The following KLHL5 variants were observed in gnomAD, a reference collection of about 807,000 sequenced individuals.
KLHL5 encodes the protein kelch like family member 5, also known as kelch-like protein 5.
A neutral mutation model predicts 77.7 loss-of-function variants in KLHL5; 48 were observed. The observed-to-expected ratio is 0.62, with a 90% CI of 0.49 to 0.79. KLHL5 has a LOEUF of 0.79. KLHL5 is among the 30% of genes least tolerant of loss of function. KLHL5 has a pLI of 0.00. For missense variants in KLHL5, 723 were observed against 859.7 expected, an observed-to-expected ratio of 0.84 and a Z score of 1.99; for synonymous variants, 260 against 297.0, an observed-to-expected ratio of 0.88 and a Z score of 1.28.
Position 39,115,275 on chromosome 4 carries a change from A to G in KLHL5, c.2018A>G (p.Gln673Arg). The G allele has an allele frequency of 2.5e-6, 4 of 1,614,044 alleles. No homozygotes were observed. In the South Asian group the frequency reaches 3.3e-5, roughly 13 times the overall value. The change falls in exon 10 of 11, where the codon CAG becomes CGG. Residue 673 changes from glutamine to arginine, a missense_variant. By Grantham distance (43) the Gln-to-Arg change is conservative. Coordinates refer to ENST00000504108, the MANE Select transcript of KLHL5 (RefSeq NM_015990.5). ...TATGCTGTTGGGGGGTATGATGGAC[A>G]GGCATACCTTAATACTGTGGAGGCT... ...KLYAVGGYDG[Q>R]AYLNTVEAYD... is the part of the protein sequence containing the mutation.
At position 39,113,134 on chromosome 4, in the gene KLHL5, C is replaced by A. The variant is rs552179016; in HGVS notation, c.1803C>A (p.Gly601=). 3 of 1,613,984 alleles carry A rather than the reference C, an allele frequency of 1.9e-6. No individual in the cohort carries two copies. Among genetic ancestry groups the A allele is most frequent in the Non-Finnish European group, 2.5e-6 (3 of 1,179,934 alleles). ...CACAGATGTCAAAAAGGAGAGGTGG[C>A]GTAGGAGTGACGACCTGGAATGGAC... ...LCAQMSKRRG[G]VGVTTWNGLL... is the part of the protein sequence containing the mutation. The change falls in exon 9 of 11, where the codon GGC becomes GGA. Residue 601 remains glycine (G), a synonymous_variant. Coordinates refer to ENST00000504108, the MANE Select transcript of KLHL5 (RefSeq NM_015990.5).
At chr4:39,114,444 T>C (rs553143957) in intron 9 of KLHL5, among the ~76,000 whole-genome samples, 4 of 143,720 alleles carry the variant, frequency 2.8e-5, no homozygotes, top group African/African-American at 7.5e-5. Context: ...CCAACACTAT[T>C]ACATTGGCAA....
chr4:39,099,490 C>G (rs994918620), intron 6 of KLHL5, among the ~76,000 whole-genome samples: 25 of 152,134 alleles, frequency 1.6e-4, no homozygotes, highest in African/African-American at 6.0e-4. Flanking sequence ...TCAGCTCATT[C>G]TATTAATACT....
At chr4:39,054,857 T>C (rs1205690851) in intron 1 of KLHL5, among the ~76,000 whole-genome samples, 1 of 152,220 alleles carries the variant, frequency 6.6e-6, no homozygotes, top group Non-Finnish European at 1.5e-5. Flanking sequence ...ATAGCTGACC[T>C]GTACATCTCT....
At chr4:39,105,651 C>G (rs1721969164) in intron 7 of KLHL5, among the ~76,000 whole-genome samples, 1 of 149,554 alleles carries the variant, frequency 6.7e-6, no homozygotes, top group African/African-American at 2.5e-5. Flanking sequence ...TATATATATA[C>G]ACATATAAAA....
intron 8 of KLHL5, among the ~76,000 whole-genome samples, chr4:39,109,685 C>T (rs1408061611): frequency 6.9e-6 from 1 of 144,020 alleles, no homozygotes; most frequent in African/African-American, 2.6e-5. Flanking sequence ...CAGACTCTTG[C>T]TCTATCTCCC....
rs1722543228 is a variant in KLHL5 at position 39,112,815 on chromosome 4, C to T, written c.1689-205C>T. On this transcript the variant is annotated intron_variant, in intron 8 of 10. Transcript: ENST00000504108. Reference sequence around the variant, plus strand: ...CTGCCTTCATGTGCAGTTTGTTTTCCTTTTCATGTATATACAGAGTGATAT... The same window carrying T: ...CTGCCTTCATGTGCAGTTTGTTTTCTTTTTCATGTATATACAGAGTGATAT... 1.9e-5 allele frequency: 10 copies of T among 518,072 alleles called. No individual in the cohort carries two copies. In the Admixed American group the frequency reaches 2.8e-4, roughly 14 times the overall value. 32.1% of individuals were successfully genotyped at this position (518,072 alleles called of 1,614,324 possible).
chr4:39,082,105 T>C lies in KLHL5; in HGVS notation c.846T>C (p.Phe282=), dbSNP rs1348025964. The C allele has an allele frequency of 1.9e-6, 3 of 1,613,790 alleles. No homozygotes were observed. Among genetic ancestry groups the C allele is most frequent in the African/African-American group, 1.3e-5 (1 of 74,916 alleles). The change falls in exon 4 of 11, where the codon TTT becomes TTC. Residue 282 remains phenylalanine (F), a synonymous_variant. Coordinates refer to ENST00000504108, the MANE Select transcript of KLHL5 (RefSeq NM_015990.5). ...HPSNCLGIRS[F]ADAQGCTDLH... ...CCAACTGTCTTGGAATTCGTTCTTT[T>C]GCTGATGCCCAAGGTTGTACAGATT...
chr4:39,060,718 A>G (rs1261084932), upstream of KLHL5, among the ~76,000 whole-genome samples: 1 of 152,226 alleles, frequency 6.6e-6, no homozygotes, highest in Admixed American at 6.5e-5. Flanking sequence ...TTGGATAGCT[A>G]GAGTGAAGTT....
rs1429261944 is a variant in KLHL5, at chr4:39,122,543, G to A, written c.*1477G>A. Reference sequence around the variant, plus strand: ...ATTTCGGCCGGGCACAGTGGCTCACGCCTATAATTCCCAGCACTTTGGGAG... The same window carrying A: ...ATTTCGGCCGGGCACAGTGGCTCACACCTATAATTCCCAGCACTTTGGGAG... On this transcript the variant is annotated 3_prime_UTR_variant, in exon 11 of 11. Transcript: ENST00000504108. 6.6e-6 allele frequency among the ~76,000 whole-genome samples: 1 copy of A among 152,112 alleles called. No homozygotes were observed. Among genetic ancestry groups the A allele is most frequent in the Non-Finnish European group, 1.5e-5 (1 of 68,038 alleles).
At chr4:39,097,107 T>A (rs1428840590) in intron 6 of KLHL5, among the ~76,000 whole-genome samples, 2 of 152,172 alleles carry the variant, frequency 1.3e-5, no homozygotes, top group Non-Finnish European at 2.9e-5. Context: ...GCTACTACTG[T>A]ACAAATCTGG....
chr4:39,067,065 T>C (rs1717953919), intron 1 of KLHL5, among the ~76,000 whole-genome samples: 1 of 152,214 alleles, frequency 6.6e-6, no homozygotes, highest in South Asian at 2.1e-4. Context: ...TGGTGATACA[T>C]TATTATTAAC....
At chr4:39,063,688 C>T in intron 1 of KLHL5, 1 of 352,298 alleles carries the variant, frequency 2.8e-6, no homozygotes, top group Middle Eastern at 3.8e-4. Context: ...AAGGACATTC[C>T]TCCAGGAGAG....
In KLHL5 at chr4:39,117,633, A is replaced by G. The variant is rs115802058; in HGVS notation, c.2073+2303A>G. Among the ~76,000 whole-genome samples, 612 of 152,238 alleles carry G rather than the reference A, an allele frequency of 4.0e-3. 4 individuals are homozygous for G. The highest frequency in any genetic ancestry group is 0.014 in the African/African-American group (584 of 41,532). On this transcript the variant is annotated intron_variant, in intron 10 of 10. Transcript: ENST00000504108. ...GAAAACAGGAAAGGAATGATGAGAGAAGTTCTCAGAAGACAATGGAATAGA... is the reference window on the plus strand; with the variant it reads ...GAAAACAGGAAAGGAATGATGAGAGGAGTTCTCAGAAGACAATGGAATAGA...
chr4:39,117,854 C>T (rs1471658423), intron 10 of KLHL5, among the ~76,000 whole-genome samples: 11 of 152,108 alleles, frequency 7.2e-5, no homozygotes, highest in Non-Finnish European at 1.6e-4. Context: ...GTCGGCGGAT[C>T]TTTTGGGGCC....
At chr4:39,055,241 C>A (rs1716929918) in intron 1 of KLHL5, among the ~76,000 whole-genome samples, 2 of 152,198 alleles carry the variant, frequency 1.3e-5, no homozygotes. Flanking sequence ...CTACATTAGG[C>A]AAACTAATGC....
chr4:39,140,943 G>A, the KLHL5 span, among the ~76,000 whole-genome samples: 1 of 152,188 alleles, frequency 6.6e-6, no homozygotes, highest in Non-Finnish European at 1.5e-5. Context: ...GTGAATGAAG[G>A]TTTGAAAAGA....
intron 5 of KLHL5, among the ~76,000 whole-genome samples, chr4:39,096,034 T>A (rs1379042271): frequency 1.3e-5 from 2 of 152,004 alleles, no homozygotes; most frequent in Non-Finnish European, 2.9e-5. Flanking sequence ...AGGAAAAGAT[T>A]TTTAATTTTT....
intron 1 of KLHL5, among the ~76,000 whole-genome samples, chr4:39,074,757 C>T (rs1718846753): frequency 6.6e-6 from 1 of 151,736 alleles, no homozygotes; most frequent in African/African-American, 2.4e-5. Context: ...ATTATATTAA[C>T]AAGATTCTCT....
Sources: allele counts gnomAD v4.1 joint callset (sites outside exome capture counted in the v4.1 genomes callset), GRCh38; gene constraint gnomAD v4.1.1; transcripts MANE v1.5; gene names NCBI Gene and HGNC (gene_info 2026-07-23, HGNC 2026-07-21).